FGGY: variants seen among roughly 807,000 people sequenced by gnomAD.
FGGY encodes the protein FGGY carbohydrate kinase domain containing.
FGGY carries 72 observed loss-of-function variants against 71.3 expected under a neutral mutation model. The ratio of observed to expected loss-of-function variants is 1.01; its 90% CI spans 0.84 to 1.23. The LOEUF is 1.23. Among genes scored for constraint, FGGY ranks in the 50% most tolerant of loss-of-function variants. FGGY has a pLI of 0.00. For synonymous variants in FGGY, 251 were observed against 250.3 expected, an observed-to-expected ratio of 1.00 and a Z score of -0.02; for missense variants, 668 against 682.3, an observed-to-expected ratio of 0.98 and a Z score of 0.23.
At chr1:59,545,939 T>A (rs933035969) in intron 7 of FGGY, among the ~76,000 whole-genome samples, 1 of 152,248 alleles carries the variant, frequency 6.6e-6, no homozygotes, top group African/African-American at 2.4e-5. Flanking sequence ...CTCATTTTCC[T>A]TATTCCTTTG....
chr1:59,383,166 G>T (rs1385575766), intron 5 of FGGY, among the ~76,000 whole-genome samples: 1 of 152,080 alleles, frequency 6.6e-6, no homozygotes, highest in Admixed American at 6.6e-5. Context: ...CAAATTAGTT[G>T]GAGTATAGGA....
rs558535753 is a variant in FGGY, at chr1:59,325,092, G to A, written c.201+3342G>A. ...GCTTAGGCGGGGCGTGTTGGCTCAC[G>A]CCTGTAATCCCAGCACTTTGGGAGG... On this transcript the variant is annotated intron_variant, in intron 2 of 15. Coordinates refer to ENST00000303721, the MANE Select transcript of FGGY (RefSeq NM_018291.5). 5.3e-5 allele frequency among the ~76,000 whole-genome samples: 8 copies of A among 152,266 alleles called. No individual in the cohort carries two copies. The South Asian group carries it at 6.2e-4, about 12-fold the overall frequency.
chr1:59,709,254 A>T (rs552135686), intron 14 of FGGY, among the ~76,000 whole-genome samples: 46 of 152,234 alleles, frequency 3.0e-4, no homozygotes, highest in Non-Finnish European at 5.3e-4. Context: ...GGAAGCAGGC[A>T]CATTCTTCAC....
At chr1:59,621,172 G>T (rs2096802522) in intron 9 of FGGY, among the ~76,000 whole-genome samples, 1 of 151,774 alleles carries the variant, frequency 6.6e-6, no homozygotes, top group South Asian at 2.1e-4. Flanking sequence ...TCAGATTAAG[G>T]CCCCACTGTC....
chr1:59,646,023 A>G (rs558741389), intron 11 of FGGY, among the ~76,000 whole-genome samples: 1 of 152,238 alleles, frequency 6.6e-6, no homozygotes, highest in African/African-American at 2.4e-5. Context: ...GGGAGGAAGC[A>G]CTGGGAGATC....
At chr1:59,633,868 T>A (rs1572391160) in intron 10 of FGGY, among the ~76,000 whole-genome samples, 1 of 151,990 alleles carries the variant, frequency 6.6e-6, no homozygotes, top group Non-Finnish European at 1.5e-5. Context: ...AGACAGTAGA[T>A]CTCTGGAAGA....
intron 5 of FGGY, among the ~76,000 whole-genome samples, chr1:59,380,764 TTTC>T (rs1418524318): frequency 6.6e-6 from 1 of 151,652 alleles, no homozygotes; most frequent in Non-Finnish European, 1.5e-5. Context: ...CTGATGGTAG[TTTC>T]TTTTGCTGTC....
At chr1:59,465,859 C>T (rs990748007) in intron 6 of FGGY, among the ~76,000 whole-genome samples, 2 of 152,054 alleles carry the variant, frequency 1.3e-5, no homozygotes, top group Non-Finnish European at 2.9e-5. Flanking sequence ...TAAAAGAGGA[C>T]ACAAACAAAT....
In FGGY at chr1:59,697,557, C is replaced by G. The variant is rs911080269; in HGVS notation, c.1512+23424C>G. On this transcript the variant is annotated intron_variant, in intron 14 of 15. Coordinates refer to ENST00000303721, the MANE Select transcript of FGGY (RefSeq NM_018291.5). ...TTCCTTCTTGGTTGTATTCTTAATG[C>G]AACATAGCTTGTTCTCTGTGATCTG... The G allele has an allele frequency of 2.2e-5, 14 of 638,450 alleles. No homozygotes were observed. The East Asian group carries it at 9.4e-4, about 43-fold the overall frequency. The allele number at this position is 638,450 out of a possible 1,614,324, so 39.5% of individuals were successfully genotyped here. A position where few individuals can be genotyped will look rare whatever the true frequency, so the allele number is the denominator to read the frequency against.
chr1:59,480,922 A>T (rs2093444368), intron 6 of FGGY, among the ~76,000 whole-genome samples: 3 of 152,166 alleles, frequency 2.0e-5, no homozygotes. Flanking sequence ...GTCAAGCAAG[A>T]TGGTCTACTG....
intron 6 of FGGY, among the ~76,000 whole-genome samples, chr1:59,498,092 A>G (rs1416715593): frequency 6.6e-6 from 1 of 152,214 alleles, no homozygotes; most frequent in Non-Finnish European, 1.5e-5. Context: ...TACATGAGTT[A>G]GCTTTTCTTT....
chr1:59,711,562 G>A (rs1290380566), intron 14 of FGGY, among the ~76,000 whole-genome samples: 1 of 152,170 alleles, frequency 6.6e-6, no homozygotes, highest in African/African-American at 2.4e-5. Context: ...TTTTCATGCT[G>A]CTAATAAAGA....
chr1:59,583,015 G>C (rs2096223149), intron 8 of FGGY, among the ~76,000 whole-genome samples: 1 of 115,968 alleles, frequency 8.6e-6, no homozygotes, highest in Non-Finnish European at 1.8e-5. Context: ...TAATGCTCAG[G>C]TCCCATCCTT....
Position 59,374,590 on chromosome 1 carries a change from A to G in FGGY, c.466-4159A>G, listed in dbSNP as rs2058314543. Among the ~76,000 whole-genome samples the G allele has an allele frequency of 2.0e-5, 3 of 152,116 alleles. No individual in the cohort carries two copies. The South Asian group carries it at 6.2e-4, about 32-fold the overall frequency. ...AAGGACTATAAATCATGCTGCTATA[A>G]AGACACATGCACACGTATGTTTATT... is the stretch of plus-strand genomic sequence containing the variant. On this transcript the variant is annotated intron_variant, in intron 4 of 15. Coordinates refer to ENST00000303721, the MANE Select transcript of FGGY (RefSeq NM_018291.5).
At chr1:59,592,818 G>A (rs2096469116) in intron 8 of FGGY, among the ~76,000 whole-genome samples, 1 of 151,908 alleles carries the variant, frequency 6.6e-6, no homozygotes, top group African/African-American at 2.4e-5. Flanking sequence ...ATAGCATTAT[G>A]AGATATACCT....
intron 4 of FGGY, among the ~76,000 whole-genome samples, chr1:59,361,385 T>A (rs1197283842): frequency 3.9e-5 from 6 of 152,046 alleles, no homozygotes; most frequent in African/African-American, 1.4e-4. Flanking sequence ...ACAGCCCAGT[T>A]AGGATCGAGG....
chr1:59,756,541 A>G (rs941600571), intron 14 of FGGY, among the ~76,000 whole-genome samples: 2 of 152,234 alleles, frequency 1.3e-5, no homozygotes, highest in Non-Finnish European at 2.9e-5. Flanking sequence ...TTTCCACTCT[A>G]TAGTGAGCTC....
At chr1:59,478,256 G>C (rs977841546) in intron 6 of FGGY, among the ~76,000 whole-genome samples, 2 of 152,112 alleles carry the variant, frequency 1.3e-5, no homozygotes, top group Non-Finnish European at 2.9e-5. Flanking sequence ...TATTTTCTCT[G>C]TCTCTCGTGG....
chr1:59,534,166 G>A (rs1020176044), intron 7 of FGGY, among the ~76,000 whole-genome samples: 6 of 152,110 alleles, frequency 3.9e-5, no homozygotes, highest in Non-Finnish European at 8.8e-5. Flanking sequence ...ACCAAGGCTC[G>A]AGAACTACGT....
Sources: allele counts gnomAD v4.1 joint callset (sites outside exome capture counted in the v4.1 genomes callset), GRCh38; gene constraint gnomAD v4.1.1; transcripts MANE v1.5; gene names NCBI Gene and HGNC (gene_info 2026-07-23, HGNC 2026-07-21).